Variants in CHMP6 observed in about 807,000 individuals in gnomAD.
CHMP6 encodes the protein chromatin-modifying protein 6.
Under a neutral mutation model 32.8 loss-of-function variants are expected in CHMP6, and 10 were observed. The ratio of observed to expected loss-of-function variants is 0.30; its 90% CI spans 0.19 to 0.52. The LOEUF is 0.52. Among genes scored for constraint, CHMP6 ranks in the 20% least tolerant of loss-of-function variants. The probability of loss-of-function intolerance (pLI) is 0.97; values close to 1 mark genes in which losing one functional copy is unlikely to be tolerated. For missense variants in CHMP6, 269 were observed against 263.8 expected (o/e 1.02, Z -0.14); for synonymous variants, 123 against 105.8 (o/e 1.16, Z -1.00).
rs375030925 is a variant in CHMP6, at chr17:80,994,596, C to T, written c.79C>T (p.Arg27Trp). Reference protein sequence around the residue: ...DKAILQLKQQRDKLRQYQKRI... With the variant: ...DKAILQLKQQWDKLRQYQKRI... ...CTCTTGGCAGCAACTGAAGCAGCAG[C>T]GGGACAAGCTGAGGCAGTACCAGAA... is the stretch of plus-strand genomic sequence containing the variant. The change falls in exon 2 of 8, where the codon CGG becomes TGG. Residue 27 changes from arginine to tryptophan, a missense_variant. Transcript: ENST00000325167. The T allele has an allele frequency of 3.8e-6, 6 of 1,578,082 alleles. No individual in the cohort carries two copies. The highest frequency in any genetic ancestry group is 4.6e-5 in the East Asian group (2 of 43,424).
In CHMP6 at chr17:80,991,899, G is replaced by T; in HGVS notation, c.-20G>T. ...TGGCGATTGGACTTGGTGGGTCCCG[G>T]GCCAGGGGCGGGCGCCGCCATGGGT... On this transcript the variant is annotated 5_prime_UTR_variant, in exon 1 of 8. Transcript: ENST00000325167. The T allele has an allele frequency of 6.9e-7, 1 of 1,452,042 alleles. No individual in the cohort carries two copies. The highest frequency in any genetic ancestry group is 3.1e-5 in the East Asian group (1 of 32,724). The allele number at this position is 1,452,042 out of a possible 1,614,324, so 89.9% of individuals were successfully genotyped here.
At chr17:80,993,099 CTCTT>C (rs2069606926) in intron 1 of CHMP6, among the ~76,000 whole-genome samples, 1 of 152,300 alleles carries the variant, frequency 6.6e-6, no homozygotes, top group Non-Finnish European at 1.5e-5. Flanking sequence ...TCCCTCCCCT[CTCTT>C]TAAGGACTCA....
chr17:80,995,984 A>G (rs66526914), intron 4 of CHMP6, among the ~76,000 whole-genome samples: 101,931 of 151,912 alleles, frequency 0.67, 35,500 homozygotes, highest in African/African-American at 0.87. Flanking sequence ...GTGACATAGA[A>G]GGGAAGTCTG....
At position 80,999,317 on chromosome 17, in the gene CHMP6, C is replaced by G; in HGVS notation, c.*164C>G. ...GCATTGCAGGAGGACTCCAGAGCGT[C>G]TCCTGGAGACCTTGAGCCTGAACGC... On this transcript the variant is annotated 3_prime_UTR_variant, in exon 8 of 8. Transcript: ENST00000325167. 1 of 682,028 alleles carries G rather than the reference C, an allele frequency of 1.5e-6. No homozygotes were observed. The highest frequency in any genetic ancestry group is 2.5e-6 in the Non-Finnish European group (1 of 403,478). 42.2% of individuals were successfully genotyped at this position (682,028 alleles called of 1,614,324 possible).
intron 4 of CHMP6, 54 bp from the exon 5 acceptor site, chr17:80,996,953 G>A: frequency 6.4e-7 from 1 of 1,558,430 alleles, no homozygotes; most frequent in Non-Finnish European, 8.8e-7. Context: ...CCTCTGTCGG[G>A]GGTCTACCAT....
Position 80,999,444 on chromosome 17 carries a change from G to C in CHMP6, c.*291G>C, listed in dbSNP as rs149696009. ...CCGGTGGCCGAGGCCCAGGCCCAAC[G>C]CCTCTGGTGCTGTTCCCCTGCAGTC... On this transcript the variant is annotated 3_prime_UTR_variant, in exon 8 of 8. Coordinates refer to ENST00000325167, the MANE Select transcript of CHMP6 (RefSeq NM_024591.5). 2.3e-6 allele frequency: 1 copy of C among 428,766 alleles called. No homozygotes were observed. Among genetic ancestry groups the C allele is most frequent in the Non-Finnish European group, 4.3e-6 (1 of 231,142 alleles). The allele number at this position is 428,766 out of a possible 1,614,324, so 26.6% of individuals were successfully genotyped here.
chr17:80,998,869 C>T (rs11650034), intron 7 of CHMP6, among the ~76,000 whole-genome samples: 51,689 of 152,088 alleles, frequency 0.34, 9,565 homozygotes, highest in Admixed American at 0.43. Context: ...TCTCTGAGTC[C>T]CGCTGGGAGG....
chr17:80,996,512 C>A (rs1367163668), intron 4 of CHMP6, among the ~76,000 whole-genome samples: 2 of 152,188 alleles, frequency 1.3e-5, no homozygotes, highest in East Asian at 3.9e-4. Context: ...GGCTGTGCTA[C>A]TTTTCCAAGT....
intron 7 of CHMP6, among the ~76,000 whole-genome samples, chr17:80,998,871 G>A (rs114329560): frequency 0.014 from 2,096 of 152,290 alleles, 51 homozygotes; most frequent in African/African-American, 0.048. Context: ...TCTGAGTCCC[G>A]CTGGGAGGGG....
intron 6 of CHMP6, 137 bp from the exon 7 acceptor site, chr17:80,998,229 C>T: frequency 3.1e-6 from 3 of 979,082 alleles, no homozygotes; most frequent in Non-Finnish European, 4.6e-6. Flanking sequence ...CTTGGGTCTT[C>T]TGAGCAGCAC....
At chr17:80,997,154 A>G in intron 5 of CHMP6, 82 bp downstream of exon 5, 1 of 1,601,550 alleles carries the variant, frequency 6.2e-7, no homozygotes, top group East Asian at 2.2e-5. Flanking sequence ...CCCACATCCT[A>G]GAGCGGCCGC....
chr17:80,998,899 A>T (rs2069662209), intron 7 of CHMP6, among the ~76,000 whole-genome samples, 199 bp from the exon 8 acceptor site: 1 of 152,032 alleles, frequency 6.6e-6, no homozygotes, highest in South Asian at 2.1e-4. Context: ...TTCCTGGCCC[A>T]CTGTCCCGTG....
intron 6 of CHMP6, among the ~76,000 whole-genome samples, chr17:80,998,002 C>T (rs918836398): frequency 6.6e-5 from 10 of 152,360 alleles, no homozygotes; most frequent in African/African-American, 1.9e-4. Flanking sequence ...AGCGTTGTAC[C>T]GCAGCCCACC....
At position 80,992,370 on chromosome 17, in the gene CHMP6, C is replaced by T. The variant is rs181156525; in HGVS notation, c.63+389C>T. ...GGCTCTGGGCCCGCGGGAGCAGGTCCCGGCTCTCCCGGAGTCGCTGCCCCC... is the reference window on the plus strand; with the variant it reads ...GGCTCTGGGCCCGCGGGAGCAGGTCTCGGCTCTCCCGGAGTCGCTGCCCCC... On this transcript the variant is annotated intron_variant, in intron 1 of 7. Coordinates refer to ENST00000325167, the MANE Select transcript of CHMP6 (RefSeq NM_024591.5). Among the ~76,000 whole-genome samples the T allele has an allele frequency of 1.8e-4, 26 of 141,700 alleles. No individual in the cohort carries two copies. In the East Asian group the frequency reaches 4.4e-3, roughly 24 times the overall value. The allele number at this position is 141,700 out of a possible 152,430, so 93.0% of individuals were successfully genotyped here.
chr17:80,998,266 A>G, intron 6 of CHMP6, 100 bp from the exon 7 acceptor site: 1 of 1,371,294 alleles, frequency 7.3e-7, no homozygotes. Context: ...ACTCCGGCTG[A>G]GAGCGGCTGA....
chr17:80,992,132 C>T (rs1230664821), intron 1 of CHMP6, 151 bp downstream of exon 1: 1 of 455,410 alleles, frequency 2.2e-6, no homozygotes, highest in Non-Finnish European at 3.4e-6. Context: ...CTCGGTCTCT[C>T]CGCCCTGCGT....
Position 80,995,021 on chromosome 17 carries a change from G to A in CHMP6, c.176G>A (p.Arg59Gln), listed in dbSNP as rs773327335. Residue 59 changes from arginine to glutamine, a missense_variant and splice_region_variant, in exon 3 of 8, where the codon CGG becomes CAG. Physicochemically the swap from Arg to Gln is conservative, Grantham distance 43. Coordinates refer to ENST00000325167, the MANE Select transcript of CHMP6 (RefSeq NM_024591.5). ...RQLLRDGRKE[R>Q]AKLLLKKKRY... ...CACTCTCGGGCTTCCCTCTGCAGAC[G>A]GGCCAAGCTGCTGCTCAAGAAGAAG... The A allele has an allele frequency of 6.9e-6, 11 of 1,592,746 alleles. No homozygotes were observed. The highest frequency in any genetic ancestry group is 4.0e-5 in the African/African-American group (3 of 74,822).
At chr17:80,994,981 A>G (rs2069624605) in intron 2 of CHMP6, 38 bp from the exon 3 acceptor site, 1 of 1,540,542 alleles carries the variant, frequency 6.5e-7, no homozygotes, top group Non-Finnish European at 8.8e-7. Context: ...GGGCCCAGGC[A>G]GGGCCACAGC....
chr17:80,998,408 G>C lies in CHMP6; in HGVS notation c.538G>C (p.Glu180Gln), dbSNP rs1238662062. 8 of 1,614,214 alleles carry C rather than the reference G, an allele frequency of 5.0e-6. No individual in the cohort carries two copies. The highest frequency in any genetic ancestry group is 6.8e-6 in the Non-Finnish European group (8 of 1,180,036). ...AGAGGTTCCCTCCGAGCCCCTTCCT[G>C]AGAAGATCCCAGGTATTTCCATGTT... ...LPEVPSEPLP[E>Q]KIPENVPVKA... The change falls in exon 7 of 8, where the codon GAG becomes CAG. Residue 180 changes from glutamate (E) to glutamine (Q), a missense_variant. Transcript: ENST00000325167.
Sources: gnomAD v4.1 joint callset for allele counts (sites outside exome capture counted in the v4.1 genomes callset) on GRCh38, gnomAD v4.1.1 for gene constraint, MANE v1.5 for transcripts, NCBI Gene and HGNC (gene_info 2026-07-23, HGNC 2026-07-21) for gene names.